The following ATP2B4 variants were observed in gnomAD, a reference collection of about 807,000 sequenced individuals.
The protein encoded by ATP2B4 is ATPase plasma membrane Ca2+ transporting 4.
A neutral mutation model predicts 110.3 loss-of-function variants in ATP2B4; 39 were observed. That is an observed-to-expected ratio of 0.35 (90% CI 0.27 to 0.46). The LOEUF (loss-of-function observed/expected upper bound fraction) is 0.46, where lower values mean the gene tolerates loss of function less well. Ranked by LOEUF, ATP2B4 falls within the 20% of genes least tolerant of loss-of-function variation. ATP2B4 has a pLI of 1.00. For synonymous variants in ATP2B4, 538 were observed against 571.7 expected (o/e 0.94, Z 0.84); for missense variants, 1,135 against 1,530.9 (o/e 0.74, Z 4.32).
At chr1:203,703,160 CAATCGAGAGAGA>C (rs1665743394) in intron 7 of ATP2B4, among the ~76,000 whole-genome samples, 2 of 130,990 alleles carry the variant, frequency 1.5e-5, no homozygotes, top group African/African-American at 6.6e-5. Context: ...TCTTCCCTGA[CAATCGAGAGAGA>C]GAGAGAGAGA....
Position 203,709,252 on chromosome 1 carries a change from C to T in ATP2B4, c.1558-49C>T. On this transcript the variant is annotated intron_variant, in intron 10 of 20. Transcript: ENST00000357681. ...AGTTCTTTCTCCCTAAGTTCTCTGC[C>T]TTGTCAAGGCATCTTACTCAATAGT... 2.5e-6 allele frequency: 4 copies of T among 1,607,360 alleles called. No homozygotes were observed. In the South Asian group the frequency reaches 3.3e-5, roughly 13 times the overall value.
chr1:203,678,723 G>T (rs1304784123), intron 1 of ATP2B4, among the ~76,000 whole-genome samples: 7 of 152,130 alleles, frequency 4.6e-5, no homozygotes, highest in Non-Finnish European at 2.9e-5. Flanking sequence ...CTTTTAAAGG[G>T]CCTCTTAGAA....
intron 4 of ATP2B4, 119 bp from the exon 5 acceptor site, chr1:203,700,087 T>C: frequency 1.6e-6 from 2 of 1,228,292 alleles, no homozygotes; most frequent in Non-Finnish European, 2.3e-6. Context: ...CGGCCATTGC[T>C]GTCTAGATAG....
At position 203,709,522 on chromosome 1, in the gene ATP2B4, C is replaced by G. The variant is rs1291943377; in HGVS notation, c.1779C>G (p.Ala593=). ...GCTTCCGTATGTACAGCAAGGGCGC[C>G]TCTGAGATCATCTTGCGCAAGTGAG... ...NGGFRMYSKG[A]SEIILRKCNR... is the part of the protein sequence containing the mutation. Residue 593 remains alanine (A), a synonymous_variant, in exon 11 of 21, where the codon GCC becomes GCG. Coordinates refer to ENST00000357681, the MANE Select transcript of ATP2B4 (RefSeq NM_001684.5). The G allele has an allele frequency of 1.3e-5, 21 of 1,614,078 alleles. No homozygotes were observed. The highest frequency in any genetic ancestry group is 1.8e-5 in the Non-Finnish European group (21 of 1,180,036).
intron 1 of ATP2B4, among the ~76,000 whole-genome samples, chr1:203,650,638 G>A (rs1663956669): frequency 6.6e-6 from 1 of 152,188 alleles, no homozygotes; most frequent in African/African-American, 2.4e-5. Context: ...GAACTCGGCC[G>A]GCCCGGGGCG....
chr1:203,677,822 C>A (rs1174901525), intron 1 of ATP2B4, among the ~76,000 whole-genome samples: 1 of 152,188 alleles, frequency 6.6e-6, no homozygotes, highest in Non-Finnish European at 1.5e-5. Flanking sequence ...GGCTGCTTCC[C>A]CTCTCCAGAG....
At position 203,627,132 on chromosome 1, in the gene ATP2B4, T is replaced by C. The variant is rs989544569; in HGVS notation, c.-552T>C. 1 of 152,232 alleles carries C rather than the reference T, an allele frequency of 6.6e-6. No individual in the cohort carries two copies. The highest frequency in any genetic ancestry group is 1.5e-5 in the Non-Finnish European group (1 of 68,048). 9.4% of individuals were successfully genotyped at this position (152,232 alleles called of 1,614,324 possible). On this transcript the variant is annotated 5_prime_UTR_variant, in exon 1 of 21. Transcript: ENST00000357681. Reference sequence around the variant, plus strand: ...TTGGTTGCCACACTGGGGAGACTGGTGGGTGGTCACCCCACCCTACCCTCA... The same window carrying C: ...TTGGTTGCCACACTGGGGAGACTGGCGGGTGGTCACCCCACCCTACCCTCA...
At chr1:203,709,605 C>T in intron 11 of ATP2B4, 63 bp downstream of exon 11, 11 of 1,603,954 alleles carry the variant, frequency 6.9e-6, no homozygotes, top group Non-Finnish European at 9.4e-6. Context: ...CATGGGTGCA[C>T]ACCCCACACT....
chr1:203,713,165 G>T lies in ATP2B4; in HGVS notation c.2212G>T (p.Val738Leu). The change falls in exon 14 of 21, where the codon GTA becomes TTA. Residue 738 changes from valine (V) to leucine (L), a missense_variant and splice_region_variant. Around this residue, in one of 9 missense-constraint regions of ATP2B4, gnomAD observed 368 missense variants for 455.9 expected, o/e 0.81. Transcript: ENST00000357681. ...TCCAGGTGTGGTCTGGTGTTGGCAG[G>T]TAGAGCAAGAAAAGCTGGACAAGAT... ...NRLIRNEKGE[V>L]EQEKLDKIWP... 2 of 1,614,150 alleles carry T rather than the reference G, an allele frequency of 1.2e-6. No homozygotes were observed. Among genetic ancestry groups the T allele is most frequent in the Non-Finnish European group, 1.7e-6 (2 of 1,179,990 alleles).
intron 1 of ATP2B4, among the ~76,000 whole-genome samples, chr1:203,637,234 A>G (rs1558009557): frequency 1.3e-5 from 2 of 152,190 alleles, no homozygotes; most frequent in Non-Finnish European, 2.9e-5. Flanking sequence ...GATTGAAACC[A>G]TCCTGGCTAA....
chr1:203,671,970 C>A (rs947881174), intron 1 of ATP2B4, among the ~76,000 whole-genome samples: 2 of 152,212 alleles, frequency 1.3e-5, no homozygotes, highest in Admixed American at 6.5e-5. Context: ...TCCCACGACA[C>A]CTGGTGAATC....
chr1:203,648,417 G>A (rs1663873898), intron 1 of ATP2B4, among the ~76,000 whole-genome samples: 1 of 152,172 alleles, frequency 6.6e-6, no homozygotes, highest in African/African-American at 2.4e-5. Context: ...TAGTGTCTAT[G>A]ATGGGACACT....
chr1:203,700,154 G>A (rs1255155166), intron 4 of ATP2B4, 52 bp from the exon 5 acceptor site: 5 of 1,578,154 alleles, frequency 3.2e-6, no homozygotes, highest in Admixed American at 1.8e-5. Context: ...CCTACCCTCA[G>A]CCAGTCTCTT....
In ATP2B4 at chr1:203,706,866, T is replaced by TG. The variant is rs3835515; in HGVS notation, c.1100-136dup. On this transcript the variant is annotated intron_variant, in intron 8 of 20. Coordinates refer to ENST00000357681, the MANE Select transcript of ATP2B4 (RefSeq NM_001684.5). ...GCTATAATGTACAAGCAACAGAGAA[T>TG]GGGGGGGATTTTAGTAAGTCTTCCT... 1.3e-3 allele frequency: 884 copies of TG among 670,824 alleles called. 10 individuals carry two copies. The East Asian group carries it at 0.022, about 16-fold the overall frequency. 41.6% of individuals were successfully genotyped at this position (670,824 alleles called of 1,614,324 possible).
chr1:203,720,394 C>G (rs904751799), intron 15 of ATP2B4, among the ~76,000 whole-genome samples, 155 bp from the exon 16 acceptor site: 1 of 152,230 alleles, frequency 6.6e-6, no homozygotes, highest in African/African-American at 2.4e-5. Context: ...CCTCCTTTCT[C>G]TAGAGTGACA....
At chr1:203,696,401 C>T (rs1665534527) in intron 2 of ATP2B4, among the ~76,000 whole-genome samples, 1 of 152,198 alleles carries the variant, frequency 6.6e-6, no homozygotes. Flanking sequence ...CCTCCATCAT[C>T]CACTTCTTGT....
At chr1:203,628,543 G>C (rs951944847) in intron 1 of ATP2B4, among the ~76,000 whole-genome samples, 1 of 152,176 alleles carries the variant, frequency 6.6e-6, no homozygotes, top group East Asian at 1.9e-4. Context: ...GGAAAGGAGT[G>C]GGGGAGGGAA....
intron 1 of ATP2B4, among the ~76,000 whole-genome samples, chr1:203,642,944 T>C (rs546845141): frequency 2.6e-5 from 4 of 152,236 alleles, no homozygotes; most frequent in Non-Finnish European, 5.9e-5. Flanking sequence ...ATTTTTCCTA[T>C]CTTGTCCCTC....
chr1:203,706,542 G>T (rs953518283), intron 8 of ATP2B4, among the ~76,000 whole-genome samples: 2 of 152,200 alleles, frequency 1.3e-5, no homozygotes, highest in African/African-American at 4.8e-5. Flanking sequence ...TGTAAACAAG[G>T]TGTGAATTGT....
Sources: gnomAD v4.1 joint callset for allele counts (sites outside exome capture counted in the v4.1 genomes callset) on GRCh38, gnomAD v4.1.1 for gene constraint, gnomAD v4.1.1 regional missense constraint, MANE v1.5 for transcripts, NCBI Gene and HGNC (gene_info 2026-07-23, HGNC 2026-07-21) for gene names.